Variants in SLCO2A1 observed in about 807,000 individuals in gnomAD.
SLCO2A1 encodes the protein solute carrier organic anion transporter family member 2A1.
Under a neutral mutation model 71.7 loss-of-function variants are expected in SLCO2A1, and 60 were observed. The ratio of observed to expected loss-of-function variants is 0.84; its 90% CI spans 0.68 to 1.04. The LOEUF (loss-of-function observed/expected upper bound fraction) is 1.04, where lower values mean the gene tolerates loss of function less well. Among genes scored for constraint, SLCO2A1 ranks in the 50% least tolerant of loss-of-function variants. The pLI is 0.00. For synonymous variants in SLCO2A1, 308 were observed against 326.7 expected, an observed-to-expected ratio of 0.94 and a Z score of 0.62; for missense variants, 745 against 813.4, an observed-to-expected ratio of 0.92 and a Z score of 1.02.
chr3:133,959,976 T>C (rs901340600), intron 3 of SLCO2A1, among the ~76,000 whole-genome samples: 1 of 151,942 alleles, frequency 6.6e-6, no homozygotes, highest in Middle Eastern at 3.4e-3. Context: ...AAAAATTAGG[T>C]GGGCATGGTG....
chr3:133,976,432 AGAG>A (rs1320410527), intron 2 of SLCO2A1, among the ~76,000 whole-genome samples: 1 of 152,146 alleles, frequency 6.6e-6, no homozygotes, highest in African/African-American at 2.4e-5. Context: ...GAGGAGGGAC[AGAG>A]GAGAAGCTCT....
At chr3:133,978,409 C>T (rs543017861) in intron 2 of SLCO2A1, among the ~76,000 whole-genome samples, 5 of 152,148 alleles carry the variant, frequency 3.3e-5, no homozygotes, top group African/African-American at 9.6e-5. Flanking sequence ...CTCCTAGGAC[C>T]GTAGAAGGGA....
chr3:134,019,555 G>A (rs1935526447), intron 1 of SLCO2A1, among the ~76,000 whole-genome samples: 1 of 152,140 alleles, frequency 6.6e-6, no homozygotes, highest in Admixed American at 6.5e-5. Context: ...GCACAGCATG[G>A]TTTACAAAGC....
At chr3:133,965,151 C>A (rs1934134543) in intron 3 of SLCO2A1, among the ~76,000 whole-genome samples, 1 of 152,192 alleles carries the variant, frequency 6.6e-6, no homozygotes, top group Non-Finnish European at 1.5e-5. Flanking sequence ...TTAGCGGAGC[C>A]AACATGAGCT....
intron 2 of SLCO2A1, among the ~76,000 whole-genome samples, chr3:133,976,345 T>C (rs536044750): frequency 6.6e-6 from 1 of 152,374 alleles, no homozygotes; most frequent in East Asian, 1.9e-4. Context: ...TGTCAGATCA[T>C]ATCAGCTGTG....
chr3:133,937,310 C>G (rs1933291427), intron 12 of SLCO2A1, among the ~76,000 whole-genome samples: 1 of 152,304 alleles, frequency 6.6e-6, no homozygotes, highest in South Asian at 2.1e-4. Context: ...CAGGTAGATC[C>G]TGCCGCCCTG....
At chr3:134,010,476 G>C (rs979982085) in intron 1 of SLCO2A1, among the ~76,000 whole-genome samples, 1 of 152,028 alleles carries the variant, frequency 6.6e-6, no homozygotes, top group Admixed American at 6.5e-5. Flanking sequence ...GATCTCGGCC[G>C]GGCGCGGTGG....
rs1412797073 is a variant in SLCO2A1, at chr3:133,948,954, T to C, written c.879A>G (p.Ala293=). The C allele has an allele frequency of 6.2e-7, 1 of 1,614,042 alleles. No homozygotes were observed. The highest frequency in any genetic ancestry group is 1.3e-5 in the African/African-American group (1 of 74,956). ...CCTCCTCCAACTTCCTTGCTTCATC[T>C]GCTGTGGCAGGAGCCCTCTGAAGGC... is the stretch of plus-strand genomic sequence containing the variant. ...PIGAKRAPAT[A]DEARKLEEAK... Residue 293 remains alanine, a synonymous_variant, in exon 7 of 14, where the codon GCA becomes GCG. Coordinates refer to ENST00000310926, the MANE Select transcript of SLCO2A1 (RefSeq NM_005630.3).
At chr3:133,981,721 A>G (rs1275336590) in intron 1 of SLCO2A1, among the ~76,000 whole-genome samples, 1 of 152,200 alleles carries the variant, frequency 6.6e-6, no homozygotes, top group Non-Finnish European at 1.5e-5. Context: ...TCATGCCTGT[A>G]ATCCCAGCAC....
At chr3:134,029,594 G>A in intron 1 of SLCO2A1, 113 bp downstream of exon 1, 4 of 759,202 alleles carry the variant, frequency 5.3e-6, no homozygotes, top group Non-Finnish European at 8.3e-6. Context: ...CGCGGCACAG[G>A]AGGGAGCCCG....
intron 10 of SLCO2A1, among the ~76,000 whole-genome samples, chr3:133,944,352 AG>A (rs1392624194): frequency 2.0e-5 from 3 of 152,202 alleles, no homozygotes; most frequent in African/African-American, 4.8e-5. Context: ...TCACATCCTC[AG>A]CACTCACGGC....
At chr3:133,974,771 C>T (rs1407763788) in intron 2 of SLCO2A1, among the ~76,000 whole-genome samples, 1 of 152,180 alleles carries the variant, frequency 6.6e-6, no homozygotes, top group Non-Finnish European at 1.5e-5. Flanking sequence ...AGATGGTCCT[C>T]TCCTCAGAGC....
chr3:133,942,690 A>G lies in SLCO2A1; in HGVS notation c.1540T>C (p.Phe514Leu). The change falls in exon 11 of 14, where the codon TTC (phenylalanine) becomes CTC (leucine). Residue 514 changes from phenylalanine (F) to leucine (L), a missense_variant. Phe to Leu is a conservative substitution (Grantham distance 22, BLOSUM62 0). Coordinates refer to ENST00000310926, the MANE Select transcript of SLCO2A1 (RefSeq NM_005630.3). ...TGSCPVPCAH[F>L]LLPAIFLISF... ...ATGAGGAAGATGGCCGGGAGCAGGA[A>G]GTGGGCACAGGGGACAGGGCACGAT... 1 of 1,614,150 alleles carries G rather than the reference A, an allele frequency of 6.2e-7. No individual in the cohort carries two copies. The highest frequency in any genetic ancestry group is 2.2e-5 in the East Asian group (1 of 44,876).
rs2108034713 is a variant in SLCO2A1, at chr3:133,934,650, T to C, written c.*63A>G. 1 of 1,107,730 alleles carries C rather than the reference T, an allele frequency of 9.0e-7. No homozygotes were observed. The highest frequency in any genetic ancestry group is 1.5e-5 in the African/African-American group (1 of 65,064). The allele number at this position is 1,107,730 out of a possible 1,614,324, so 68.6% of individuals were successfully genotyped here. Reference sequence around the variant, plus strand: ...GAAATGACGTGTTAACATTAGTGAGTATAGGCAGGTGTGGAAGAGTCAAGG... The same window carrying C: ...GAAATGACGTGTTAACATTAGTGAGCATAGGCAGGTGTGGAAGAGTCAAGG... On this transcript the variant is annotated 3_prime_UTR_variant, in exon 14 of 14. Transcript: ENST00000310926.
intron 1 of SLCO2A1, among the ~76,000 whole-genome samples, chr3:133,999,064 G>A (rs560706408): frequency 3.9e-5 from 6 of 152,246 alleles, no homozygotes; most frequent in African/African-American, 2.4e-5. Context: ...ACACCGCCTC[G>A]CCAGGATGCC....
chr3:133,958,950 G>A (rs1933965501), intron 3 of SLCO2A1, among the ~76,000 whole-genome samples: 1 of 152,166 alleles, frequency 6.6e-6, no homozygotes, highest in South Asian at 2.1e-4. Flanking sequence ...TAGGCCGTGG[G>A]GTGGCAGGAC....
At chr3:133,975,954 T>G (rs1305314058) in intron 2 of SLCO2A1, among the ~76,000 whole-genome samples, 4 of 152,228 alleles carry the variant, frequency 2.6e-5, no homozygotes, top group African/African-American at 7.2e-5. Context: ...TTTATTTCCA[T>G]AAATACTATA....
chr3:133,942,492 C>T (rs771196605), intron 11 of SLCO2A1, 113 bp downstream of exon 11: 2 of 1,143,924 alleles, frequency 1.7e-6, no homozygotes, highest in East Asian at 5.2e-5. Context: ...TTAAAGGACT[C>T]TGAGGGCCAC....
chr3:133,973,731 G>C lies in SLCO2A1; in HGVS notation c.329C>G (p.Ala110Gly). ...LIGIGGLFLA[A>G]GAFILTLPHF... ...TGGGAGGGTGAGGATGAAGGCACCT[G>C]CAGCCAGGAAGAGACCTCCGATGCC... The change falls in exon 3 of 14, where the codon GCA (alanine) becomes GGA (glycine). Residue 110 changes from alanine to glycine, a missense_variant. Transcript: ENST00000310926. The C allele has an allele frequency of 6.2e-7, 1 of 1,614,134 alleles. No individual in the cohort carries two copies.
Sources: allele counts gnomAD v4.1 joint callset (sites outside exome capture counted in the v4.1 genomes callset), GRCh38; gene constraint gnomAD v4.1.1; transcripts MANE v1.5; gene names NCBI Gene and HGNC (gene_info 2026-07-23, HGNC 2026-07-21).